The following CTNNA2 variants were observed in gnomAD, a reference collection of about 807,000 sequenced individuals.
CTNNA2 encodes the protein catenin alpha-2.
CTNNA2 carries 42 observed loss-of-function variants against 101.0 expected under a neutral mutation model. The observed-to-expected ratio is 0.42, with a 90% CI of 0.32 to 0.54. The LOEUF (loss-of-function observed/expected upper bound fraction) is 0.54. Among genes scored for constraint, CTNNA2 ranks in the 20% least tolerant of loss-of-function variants. CTNNA2 has a pLI of 0.14. For missense variants in CTNNA2, 871 were observed against 1,223.1 expected, an observed-to-expected ratio of 0.71 and a Z score of 4.29; for synonymous variants, 450 against 456.4, an observed-to-expected ratio of 0.99 and a Z score of 0.18.
At chr2:79,406,269 C>G (rs1678340875) in intron 4 of CTNNA2, among the ~76,000 whole-genome samples, 1 of 152,066 alleles carries the variant, frequency 6.6e-6, no homozygotes, top group Non-Finnish European at 1.5e-5. Flanking sequence ...CAATCAAACT[C>G]ACAAGACAGA....
intron 2 of CTNNA2, among the ~76,000 whole-genome samples, chr2:79,218,352 T>TGTGTGTGTGTGTGTGTGTGTGTA (rs1491322056): frequency 1.2e-5 from 1 of 82,624 alleles, no homozygotes; most frequent in Non-Finnish European, 2.2e-5. Context: ...TGTGTGTGTA[T>TGTGTGTGTGTGTGTGTGTGTGTA]TTTTTTTTTT....
At chr2:79,969,873 C>T (rs1461587449) in intron 7 of CTNNA2, among the ~76,000 whole-genome samples, 1 of 152,050 alleles carries the variant, frequency 6.6e-6, no homozygotes, top group Non-Finnish European at 1.5e-5. Flanking sequence ...TATTCCATGC[C>T]AAAAGTGTGG....
intron 4 of CTNNA2, among the ~76,000 whole-genome samples, chr2:79,412,930 CT>C: frequency 6.6e-6 from 1 of 152,186 alleles, no homozygotes; most frequent in African/African-American, 2.4e-5. Flanking sequence ...GTCAACCACT[CT>C]TTTAGTAAAT....
At chr2:80,119,346 G>A (rs1333284626) in intron 7 of CTNNA2, among the ~76,000 whole-genome samples, 2 of 152,184 alleles carry the variant, frequency 1.3e-5, no homozygotes, top group Non-Finnish European at 2.9e-5. Flanking sequence ...GACATGACAG[G>A]AAGAAATGCA....
chr2:79,196,269 TTC>T (rs761933798), intron 1 of CTNNA2, among the ~76,000 whole-genome samples: 5 of 152,136 alleles, frequency 3.3e-5, no homozygotes, highest in Non-Finnish European at 5.9e-5. Flanking sequence ...TGAAATGCAT[TTC>T]TCTTAGGCCT....
At chr2:80,214,989 C>T (rs147794051) in intron 7 of CTNNA2, among the ~76,000 whole-genome samples, 1,669 of 152,220 alleles carry the variant, frequency 0.011, 36 homozygotes, top group African/African-American at 0.037. Flanking sequence ...CTTCTCTTCT[C>T]GCTTCATTTC....
chr2:79,730,455 T>C (rs757173312), intron 2 of CTNNA2, among the ~76,000 whole-genome samples: 4 of 148,844 alleles, frequency 2.7e-5, no homozygotes, highest in Non-Finnish European at 5.9e-5. Flanking sequence ...AATGGAGAGA[T>C]TTTTTTTTCT....
intron 9 of CTNNA2, among the ~76,000 whole-genome samples, chr2:80,440,380 A>G (rs1682453840): frequency 6.6e-6 from 1 of 152,198 alleles, no homozygotes; most frequent in South Asian, 2.1e-4. Context: ...GAAAATTGCA[A>G]TACCTTTTTA....
intron 3 of CTNNA2, among the ~76,000 whole-genome samples, chr2:79,751,743 AC>A: frequency 6.6e-6 from 1 of 152,230 alleles, no homozygotes; most frequent in South Asian, 2.1e-4. Context: ...GCTTCTACTC[AC>A]TTAAATGATA....
chr2:79,608,430 G>A (rs957972701), intron 1 of CTNNA2, among the ~76,000 whole-genome samples: 1 of 151,990 alleles, frequency 6.6e-6, no homozygotes, highest in Admixed American at 6.5e-5. Context: ...ATTACCTGAT[G>A]CCAAATTTTA....
chr2:79,568,248 A>G (rs1157669526), intron 1 of CTNNA2, among the ~76,000 whole-genome samples: 5 of 152,156 alleles, frequency 3.3e-5, no homozygotes, highest in Admixed American at 2.0e-4. Context: ...TCTGAACTGT[A>G]CTTTCCTGTA....
intron 1 of CTNNA2, among the ~76,000 whole-genome samples, chr2:79,603,706 C>T (rs1462720224): frequency 6.6e-6 from 1 of 152,130 alleles, no homozygotes; most frequent in East Asian, 1.9e-4. Flanking sequence ...ATTTTAAGAG[C>T]AACTGCCTGA....
At chr2:79,856,507 C>G (rs1411112253) in intron 3 of CTNNA2, among the ~76,000 whole-genome samples, 1 of 152,160 alleles carries the variant, frequency 6.6e-6, no homozygotes, top group Non-Finnish European at 1.5e-5. Context: ...GTTAAAAAAT[C>G]TGTCATATTA....
At chr2:79,339,985 G>A (rs1344200764) in intron 3 of CTNNA2, 1 of 152,158 alleles carries the variant, frequency 6.6e-6, no homozygotes, top group Non-Finnish European at 1.5e-5. Flanking sequence ...GCTTTATGCT[G>A]CTCCGTCAGA....
intron 4 of CTNNA2, among the ~76,000 whole-genome samples, chr2:79,429,268 G>A (rs1678626040): frequency 1.3e-5 from 2 of 151,866 alleles, no homozygotes; most frequent in Admixed American, 6.6e-5. Flanking sequence ...AATTTTCTGT[G>A]GAGCCTGATT....
intron 6 of CTNNA2, among the ~76,000 whole-genome samples, chr2:79,883,910 C>G (rs989940684): frequency 1.3e-5 from 2 of 151,898 alleles, no homozygotes; most frequent in African/African-American, 4.8e-5. Context: ...ATAAATTTTG[C>G]CAGAAAATAA....
chr2:79,216,972 T>G (rs1186170343), intron 2 of CTNNA2, among the ~76,000 whole-genome samples: 1 of 152,178 alleles, frequency 6.6e-6, no homozygotes, highest in East Asian at 1.9e-4. Flanking sequence ...GCTGCCTTCC[T>G]GAGTCCATGA....
intron 1 of CTNNA2, among the ~76,000 whole-genome samples, chr2:79,524,987 T>A (rs1392027703): frequency 1.3e-5 from 2 of 151,872 alleles, no homozygotes; most frequent in Admixed American, 1.3e-4. Context: ...TGAATAATGA[T>A]CTAATGGTGG....
At chr2:79,629,936 A>G (rs1446853072) in intron 1 of CTNNA2, among the ~76,000 whole-genome samples, 2 of 152,128 alleles carry the variant, frequency 1.3e-5, no homozygotes, top group Non-Finnish European at 2.9e-5. Context: ...TCCAAAGCCC[A>G]TATCCTAGTC....
Sources: allele counts gnomAD v4.1 joint callset (sites outside exome capture counted in the v4.1 genomes callset), GRCh38; gene constraint gnomAD v4.1.1; transcripts MANE v1.5; gene names NCBI Gene and HGNC (gene_info 2026-07-23, HGNC 2026-07-21).